The following SPC24 variants were observed in gnomAD, a reference collection of about 807,000 sequenced individuals.
SPC24 encodes the protein kinetochore protein Spc24.
In SPC24, 31 loss-of-function variants were observed where a neutral mutation model predicts 27.6. The observed-to-expected ratio is 1.12, with a 90% CI of 0.84 to 1.52. SPC24 has a LOEUF of 1.52. SPC24 is among the 40% of genes most tolerant of loss of function. The pLI, the probability that SPC24 is intolerant of heterozygous loss-of-function variation, is 0.00. For synonymous variants in SPC24, 105 were observed against 105.8 expected (o/e 0.99, Z 0.05); for missense variants, 284 against 252.5 (o/e 1.12, Z -0.84).
intron 4 of SPC24, 140 bp from the exon 5 acceptor site, chr19:11,147,429 C>G: frequency 1.6e-6 from 1 of 606,794 alleles, no homozygotes; most frequent in South Asian, 2.0e-5. Context: ...GGTGCGATCT[C>G]GGCTCATTGC....
intron 1 of SPC24, among the ~76,000 whole-genome samples, chr19:11,149,520 C>T (rs1015650530): frequency 5.3e-5 from 8 of 151,986 alleles, no homozygotes; most frequent in South Asian, 2.1e-4. Flanking sequence ...GAGCCTGAGG[C>T]GGGAGGATCG....
chr19:11,147,415 C>CA, intron 4 of SPC24, 126 bp from the exon 5 acceptor site: 1 of 642,246 alleles, frequency 1.6e-6, no homozygotes. Context: ...GGCTGGAGTA[C>CA]AGTGGTGCGA....
At position 11,146,208 on chromosome 19, in the gene SPC24, C is replaced by T. The variant is rs2077821799; in HGVS notation, c.*975G>A. The T allele has an allele frequency of 6.6e-6, 1 of 151,944 alleles. No individual in the cohort carries two copies. Among genetic ancestry groups the T allele is most frequent in the Non-Finnish European group, 1.5e-5 (1 of 68,044 alleles). The allele number at this position is 151,944 out of a possible 1,614,324, so 9.4% of individuals were successfully genotyped here. On this transcript the variant is annotated 3_prime_UTR_variant, in exon 5 of 5. Transcript: ENST00000592540. Reference sequence around the variant, plus strand: ...TCCTCCGTCAGCAGTGGGAGGAGAACCATGTCACTCGTATCTTGTCTCTCT... The same window carrying T: ...TCCTCCGTCAGCAGTGGGAGGAGAATCATGTCACTCGTATCTTGTCTCTCT...
intron 1 of SPC24, among the ~76,000 whole-genome samples, chr19:11,152,490 G>A (rs1280539775): frequency 6.6e-6 from 1 of 152,124 alleles, no homozygotes; most frequent in Non-Finnish European, 1.5e-5. Flanking sequence ...GATGAGAGGC[G>A]TGAGCCACCA....
At chr19:11,154,308 G>T (rs1405391645) in intron 1 of SPC24, among the ~76,000 whole-genome samples, 1 of 152,140 alleles carries the variant, frequency 6.6e-6, no homozygotes, top group Non-Finnish European at 1.5e-5. Context: ...GGGAGGCCGA[G>T]GTGGGCGATC....
chr19:11,153,231 G>A (rs1461235073), intron 1 of SPC24, among the ~76,000 whole-genome samples: 3 of 151,512 alleles, frequency 2.0e-5, no homozygotes, highest in African/African-American at 7.3e-5. Context: ...GGATCACGAG[G>A]TCAGGAGATC....
At chr19:11,151,358 C>T (rs564468089) in intron 1 of SPC24, among the ~76,000 whole-genome samples, 1 of 150,414 alleles carries the variant, frequency 6.6e-6, no homozygotes, top group African/African-American at 2.5e-5. Flanking sequence ...TGGCACTGGC[C>T]TCCACATTTC....
intron 1 of SPC24, among the ~76,000 whole-genome samples, chr19:11,152,267 T>G (rs1271579770): frequency 6.6e-6 from 1 of 151,744 alleles, no homozygotes; most frequent in Non-Finnish European, 1.5e-5. Context: ...TGGAATACAG[T>G]GGTGTGACCT....
intron 2 of SPC24, 74 bp from the exon 3 acceptor site, chr19:11,148,191 G>A (rs76078727): frequency 0.077 from 75,241 of 982,220 alleles, 3,051 homozygotes; most frequent in African/African-American, 0.12. Flanking sequence ...GGGAGGCCCA[G>A]GGTCTTGGCT....
rs188013688 is a variant in SPC24 at position 11,147,191 on chromosome 19, C to T, written c.586G>A (p.Glu196Lys). 304 of 1,550,774 alleles carry T rather than the reference C, an allele frequency of 2.0e-4. 1 individual carries two copies. In the African/African-American group the frequency reaches 3.4e-3, roughly 17 times the overall value. Reference protein sequence around the residue: ...SDYLWSLVDTEW With the variant: ...SDYLWSLVDTKW Reference sequence around the variant, plus strand: ...AGCCACGAGGCTCCTGGCTACCACTCGGTGTCCACCAGACTCCAGAGGTAG... The same window carrying T: ...AGCCACGAGGCTCCTGGCTACCACTTGGTGTCCACCAGACTCCAGAGGTAG... Residue 196 changes from glutamate (E) to lysine (K), a missense_variant, in exon 5 of 5, where the codon GAG becomes AAG. Coordinates refer to ENST00000592540, the MANE Select transcript of SPC24 (RefSeq NM_182513.4).
chr19:11,150,185 CAAAAAAAAAA>C lies in SPC24; in HGVS notation c.161-957_161-948del, dbSNP rs770061574. ...CTAGGGGGCTGAGGAAACTCCATCT[CAAAAAAAAAA>C]AAAAAAAAAAAAAGGCTAGGTGTGG... On this transcript the variant is annotated intron_variant, in intron 1 of 4. Coordinates refer to ENST00000592540, the MANE Select transcript of SPC24 (RefSeq NM_182513.4). Among the ~76,000 whole-genome samples the C allele has an allele frequency of 6.9e-3, 223 of 32,288 alleles. 2 individuals are homozygous for C. The highest frequency in any genetic ancestry group is 4.7e-3 in the Non-Finnish European group (81 of 17,198). The allele number at this position is 32,288 out of a possible 152,430, so 21.2% of individuals were successfully genotyped here. A position where few individuals can be genotyped will look rare whatever the true frequency, so the allele number is the denominator to read the frequency against.
At chr19:11,155,433 G>C (rs2077903394) in intron 1 of SPC24, among the ~76,000 whole-genome samples, 184 bp downstream of exon 1, 1 of 152,192 alleles carries the variant, frequency 6.6e-6, no homozygotes, top group Admixed American at 6.5e-5. Flanking sequence ...GTGGGGGATG[G>C]TTGCTGTCAT....
At chr19:11,149,052 C>A (rs78511513) in intron 2 of SPC24, 42 bp downstream of exon 2, 17 of 1,443,508 alleles carry the variant, frequency 1.2e-5, no homozygotes, top group Non-Finnish European at 4.6e-6. Context: ...TGGCCCTATG[C>A]GTGTTTTCTA....
intron 2 of SPC24, among the ~76,000 whole-genome samples, chr19:11,148,646 TATTGATTG>T (rs1001709255): frequency 6.6e-6 from 1 of 151,396 alleles, no homozygotes; most frequent in African/African-American, 2.4e-5. Context: ...ATGCCCAGCT[TATTGATTG>T]ATTGATTGAT....
chr19:11,151,756 C>T (rs2077873773), intron 1 of SPC24, among the ~76,000 whole-genome samples: 1 of 147,492 alleles, frequency 6.8e-6, no homozygotes. Flanking sequence ...ATTACAGGCA[C>T]CCACCACCAC....
intron 1 of SPC24, among the ~76,000 whole-genome samples, chr19:11,154,314 C>A (rs1447448082): frequency 6.6e-6 from 1 of 152,048 alleles, no homozygotes. Context: ...CCGAGGTGGG[C>A]GATCACTTGA....
At chr19:11,152,256 CTGG>C (rs2077878467) in intron 1 of SPC24, among the ~76,000 whole-genome samples, 2 of 151,860 alleles carry the variant, frequency 1.3e-5, no homozygotes, top group African/African-American at 4.8e-5. Context: ...GTCATCCAGG[CTGG>C]AATACAGTGG....
intron 1 of SPC24, among the ~76,000 whole-genome samples, chr19:11,153,895 G>A (rs1207820136): frequency 2.5e-5 from 3 of 119,652 alleles, no homozygotes; most frequent in Admixed American, 1.8e-4. Context: ...GTGAAACCCC[G>A]TCTCTACTAA....
At chr19:11,149,038 C>A in intron 2 of SPC24, 56 bp downstream of exon 2, 2 of 1,413,608 alleles carry the variant, frequency 1.4e-6, no homozygotes, top group Non-Finnish European at 1.9e-6. Context: ...TGAGCCACTG[C>A]GCCTGGCCCT....
Sources: allele counts gnomAD v4.1 joint callset (sites outside exome capture counted in the v4.1 genomes callset), GRCh38; gene constraint gnomAD v4.1.1; transcripts MANE v1.5; gene names NCBI Gene and HGNC (gene_info 2026-07-23, HGNC 2026-07-21).